The following SLC24A3 variants were observed in gnomAD, a reference collection of about 807,000 sequenced individuals.
SLC24A3 encodes sodium/potassium/calcium exchanger 3.
A neutral mutation model predicts 75.8 loss-of-function variants in SLC24A3; 28 were observed. The ratio of observed to expected loss-of-function variants is 0.37; its 90% CI spans 0.27 to 0.51. The LOEUF (loss-of-function observed/expected upper bound fraction) is 0.51, where lower values mean the gene tolerates loss of function less well. Ranked by LOEUF, SLC24A3 falls within the 20% of genes least tolerant of loss-of-function variation. The pLI, the probability that SLC24A3 is intolerant of heterozygous loss-of-function variation, is 0.94. For synonymous variants in SLC24A3, 372 were observed against 334.1 expected, an observed-to-expected ratio of 1.11 and a Z score of -1.24; for missense variants, 663 against 847.8, an observed-to-expected ratio of 0.78 and a Z score of 2.71.
At chr20:19,224,546 T>C (rs975508422) in intron 1 of SLC24A3, among the ~76,000 whole-genome samples, 1 of 152,204 alleles carries the variant, frequency 6.6e-6, no homozygotes, top group African/African-American at 2.4e-5. Context: ...TCTTTGATAA[T>C]GATTTTTTTT....
intron 6 of SLC24A3, among the ~76,000 whole-genome samples, chr20:19,596,332 G>T (rs1220490502): frequency 1.3e-5 from 2 of 152,188 alleles, no homozygotes; most frequent in Non-Finnish European, 2.9e-5. Context: ...AGGTCAGTTG[G>T]AAATAGGAGT....
At position 19,419,917 on chromosome 20, in the gene SLC24A3, C is replaced by T. The variant is rs567720130; in HGVS notation, c.272-95571C>T. Reference sequence around the variant, plus strand: ...TATGTATACATGTGCCATGCTGGTGCGCTGCACCCACTAACGTGTCATCTA... The same window carrying T: ...TATGTATACATGTGCCATGCTGGTGTGCTGCACCCACTAACGTGTCATCTA... On this transcript the variant is annotated intron_variant, in intron 2 of 16. Transcript: ENST00000328041. 3.8e-4 allele frequency among the ~76,000 whole-genome samples: 48 copies of T among 127,906 alleles called. 1 individual carries two copies. Among genetic ancestry groups the T allele is most frequent in the Admixed American group, 2.9e-3 (37 of 12,554 alleles). 83.9% of individuals were successfully genotyped at this position (127,906 alleles called of 152,430 possible). A position where few individuals can be genotyped will look rare whatever the true frequency, so the allele number is the denominator to read the frequency against.
chr20:19,660,670 G>T (rs1246066453), intron 7 of SLC24A3, among the ~76,000 whole-genome samples: 1 of 152,114 alleles, frequency 6.6e-6, no homozygotes, highest in African/African-American at 2.4e-5. Flanking sequence ...GGGATTGCTG[G>T]ATTGAAGGGT....
At chr20:19,588,277 A>C (rs780387162) in intron 6 of SLC24A3, among the ~76,000 whole-genome samples, 1 of 152,202 alleles carries the variant, frequency 6.6e-6, no homozygotes, top group Non-Finnish European at 1.5e-5. Context: ...AAATCCAATC[A>C]TGGATTTCAC....
intron 2 of SLC24A3, among the ~76,000 whole-genome samples, chr20:19,364,833 T>C (rs1219676730): frequency 6.6e-6 from 1 of 152,106 alleles, no homozygotes; most frequent in Non-Finnish European, 1.5e-5. Flanking sequence ...GACCTCAGGT[T>C]TTCTCTGGGC....
intron 2 of SLC24A3, among the ~76,000 whole-genome samples, chr20:19,453,119 G>A (rs1023077918): frequency 6.6e-6 from 1 of 152,178 alleles, no homozygotes; most frequent in Non-Finnish European, 1.5e-5. Context: ...GGCAGAGGTT[G>A]CAGTGACCCG....
intron 15 of SLC24A3, among the ~76,000 whole-genome samples, chr20:19,704,752 A>G (rs1324533128): frequency 6.6e-6 from 1 of 152,140 alleles, no homozygotes; most frequent in African/African-American, 2.4e-5. Context: ...AAGGAACAGT[A>G]CTTGCAAAGG....
intron 2 of SLC24A3, among the ~76,000 whole-genome samples, chr20:19,347,637 A>G (rs1454684362): frequency 1.3e-5 from 2 of 152,228 alleles, no homozygotes; most frequent in African/African-American, 4.8e-5. Flanking sequence ...AATAAATTGG[A>G]ACAGAATTCA....
chr20:19,384,800 G>T (rs1469824823), intron 2 of SLC24A3, among the ~76,000 whole-genome samples: 2 of 152,180 alleles, frequency 1.3e-5, no homozygotes, highest in East Asian at 3.8e-4. Flanking sequence ...GCCACCAAAA[G>T]TGTAGAAGAG....
At chr20:19,539,978 G>A (rs999857948) in intron 3 of SLC24A3, among the ~76,000 whole-genome samples, 1 of 152,198 alleles carries the variant, frequency 6.6e-6, no homozygotes, top group Non-Finnish European at 1.5e-5. Context: ...GGGAGATGGA[G>A]AGGGAGAAAG....
In SLC24A3 at chr20:19,346,246, G is replaced by GTA. The variant is rs372200529; in HGVS notation, c.271+65169_271+65170dup. Among the ~76,000 whole-genome samples, 6 of 42,214 alleles carry GTA rather than the reference G, an allele frequency of 1.4e-4. 2 individuals are homozygous for GTA. Among genetic ancestry groups the GTA allele is most frequent in the African/African-American group, 1.0e-3 (5 of 4,960 alleles). The allele number at this position is 42,214 out of a possible 152,430, so 27.7% of individuals were successfully genotyped here. On this transcript the variant is annotated intron_variant, in intron 2 of 16. Coordinates refer to ENST00000328041, the MANE Select transcript of SLC24A3 (RefSeq NM_020689.4). ...TGTATATATGGTATATATATATGGT[G>GTA]TATATATATATGGTATATATATATG... is the stretch of plus-strand genomic sequence containing the variant.
chr20:19,238,795 C>G (rs1048253242), intron 1 of SLC24A3, among the ~76,000 whole-genome samples: 1 of 152,210 alleles, frequency 6.6e-6, no homozygotes, highest in African/African-American at 2.4e-5. Context: ...ACACCGAAGA[C>G]ACACCTCCTG....
intron 2 of SLC24A3, among the ~76,000 whole-genome samples, chr20:19,355,866 A>T (rs931827926): frequency 6.6e-6 from 1 of 152,214 alleles, no homozygotes; most frequent in African/African-American, 2.4e-5. Flanking sequence ...TGATAAAGTC[A>T]TGGAAATTGC....
intron 2 of SLC24A3, among the ~76,000 whole-genome samples, chr20:19,375,269 T>A (rs1986064376): frequency 6.6e-6 from 1 of 152,206 alleles, no homozygotes; most frequent in Admixed American, 6.5e-5. Flanking sequence ...GAAGGCAGGC[T>A]ATGTCCCGAT....
intron 2 of SLC24A3, among the ~76,000 whole-genome samples, chr20:19,412,499 A>G (rs1299913764): frequency 1.3e-5 from 2 of 151,892 alleles, no homozygotes; most frequent in Admixed American, 6.6e-5. Flanking sequence ...AAGAGAAGAA[A>G]CAGAAGAGGG....
At chr20:19,355,899 T>C (rs1985672702) in intron 2 of SLC24A3, among the ~76,000 whole-genome samples, 1 of 152,220 alleles carries the variant, frequency 6.6e-6, no homozygotes, top group African/African-American at 2.4e-5. Context: ...GTGTGCTGCC[T>C]ACATTCATAT....
intron 4 of SLC24A3, among the ~76,000 whole-genome samples, chr20:19,583,729 T>C (rs1281195052): frequency 6.6e-6 from 1 of 152,182 alleles, no homozygotes; most frequent in Non-Finnish European, 1.5e-5. Flanking sequence ...AGCTGCGAGC[T>C]GTGTCAGGCT....
intron 2 of SLC24A3, among the ~76,000 whole-genome samples, chr20:19,327,666 A>C (rs1319411305): frequency 6.6e-6 from 1 of 152,134 alleles, no homozygotes; most frequent in Non-Finnish European, 1.5e-5. Flanking sequence ...TACTGACGTG[A>C]GCTTGTCTGC....
At chr20:19,410,317 C>G (rs1986720968) in intron 2 of SLC24A3, among the ~76,000 whole-genome samples, 2 of 152,006 alleles carry the variant, frequency 1.3e-5, no homozygotes, top group South Asian at 4.2e-4. Context: ...GGAAGCGAAC[C>G]CAGCGTGCGG....
Sources: gnomAD v4.1 joint callset for allele counts (sites outside exome capture counted in the v4.1 genomes callset) on GRCh38, gnomAD v4.1.1 for gene constraint, MANE v1.5 for transcripts, NCBI Gene and HGNC (gene_info 2026-07-23, HGNC 2026-07-21) for gene names.